The following MACROD2 variants were observed in gnomAD, a reference collection of about 807,000 sequenced individuals.
MACROD2 encodes the protein mono-ADP ribosylhydrolase 2, also known as ADP-ribose glycohydrolase MACROD2.
In MACROD2, 36 loss-of-function variants were observed where a neutral mutation model predicts 70.4. The ratio of observed to expected loss-of-function variants is 0.51; its 90% CI spans 0.39 to 0.68. The LOEUF (loss-of-function observed/expected upper bound fraction) is 0.68. Among genes scored for constraint, MACROD2 ranks in the 30% least tolerant of loss-of-function variants. The pLI, the probability that MACROD2 is intolerant of heterozygous loss-of-function variation, is 0.00. For missense variants in MACROD2, 496 were observed against 538.4 expected (o/e 0.92, Z 0.78); for synonymous variants, 172 against 178.8 (o/e 0.96, Z 0.30).
chr20:16,001,888 A>G (rs1211450348), intron 15 of MACROD2, among the ~76,000 whole-genome samples: 1 of 152,064 alleles, frequency 6.6e-6, no homozygotes, highest in Admixed American at 6.6e-5. Context: ...AATATAGTCA[A>G]TATTTTACAC....
intron 5 of MACROD2, among the ~76,000 whole-genome samples, chr20:14,760,865 C>G (rs1265905854): frequency 2.6e-5 from 4 of 152,108 alleles, no homozygotes; most frequent in African/African-American, 9.7e-5. Flanking sequence ...AAATCGAGCC[C>G]TGATTCGTCA....
chr20:15,115,339 C>T (rs1262760879), intron 5 of MACROD2, among the ~76,000 whole-genome samples: 1 of 152,202 alleles, frequency 6.6e-6, no homozygotes, highest in East Asian at 1.9e-4. Context: ...AAGTGATTCT[C>T]CTGCCTCAGA....
chr20:14,665,467 T>G (rs962561041), intron 4 of MACROD2, among the ~76,000 whole-genome samples: 4 of 152,082 alleles, frequency 2.6e-5, no homozygotes, highest in African/African-American at 9.7e-5. Flanking sequence ...AGTTATGGAA[T>G]AGGAATATAT....
At chr20:15,145,382 G>A (rs958654832) in intron 5 of MACROD2, among the ~76,000 whole-genome samples, 8 of 151,626 alleles carry the variant, frequency 5.3e-5, no homozygotes, top group African/African-American at 1.5e-4. Context: ...TTTTGAAAAA[G>A]GCATGTTTTT....
chr20:15,344,555 A>T (rs1326367221), intron 6 of MACROD2, among the ~76,000 whole-genome samples: 1 of 152,112 alleles, frequency 6.6e-6, no homozygotes, highest in Non-Finnish European at 1.5e-5. Context: ...TTTTTTTCGT[A>T]TAGAAACAAT....
chr20:14,150,823 T>G (rs903714659), intron 3 of MACROD2, among the ~76,000 whole-genome samples: 1 of 152,152 alleles, frequency 6.6e-6, no homozygotes, highest in Non-Finnish European at 1.5e-5. Context: ...TCTAGTCAAT[T>G]ATGAATTTAC....
chr20:16,028,288 C>T (rs1487678959), intron 15 of MACROD2, among the ~76,000 whole-genome samples: 1 of 152,146 alleles, frequency 6.6e-6, no homozygotes, highest in Non-Finnish European at 1.5e-5. Context: ...ATGACTTTCT[C>T]TCTGCGTTGG....
chr20:15,200,371 C>T (rs949863805), intron 5 of MACROD2, among the ~76,000 whole-genome samples: 3 of 152,188 alleles, frequency 2.0e-5, no homozygotes, highest in Non-Finnish European at 4.4e-5. Flanking sequence ...TTGACCCTGT[C>T]ACCCAATTAC....
chr20:15,455,635 G>A (rs2046714566), intron 7 of MACROD2, among the ~76,000 whole-genome samples: 1 of 152,058 alleles, frequency 6.6e-6, no homozygotes, highest in African/African-American at 2.4e-5. Context: ...GCAAATAACT[G>A]TCAGGCCTGT....
chr20:15,310,438 C>A (rs1379429967), intron 6 of MACROD2, among the ~76,000 whole-genome samples: 2 of 152,096 alleles, frequency 1.3e-5, no homozygotes, highest in East Asian at 1.9e-4. Flanking sequence ...CCAACCCAAA[C>A]AAATTCCATT....
chr20:16,039,033 A>G (rs1054936341), intron 15 of MACROD2, among the ~76,000 whole-genome samples: 5 of 151,846 alleles, frequency 3.3e-5, no homozygotes, highest in South Asian at 2.1e-4. Context: ...GTAGAACCCA[A>G]CCTTCAAGTT....
intron 3 of MACROD2, among the ~76,000 whole-genome samples, chr20:14,457,325 A>G (rs2084315498): frequency 6.6e-6 from 1 of 152,064 alleles, no homozygotes; most frequent in Non-Finnish European, 1.5e-5. Flanking sequence ...ACAGCTTTCA[A>G]AGGTTACTTT....
At chr20:14,501,205 G>A (rs1333180819) in intron 4 of MACROD2, among the ~76,000 whole-genome samples, 1 of 151,716 alleles carries the variant, frequency 6.6e-6, no homozygotes, top group East Asian at 1.9e-4. Flanking sequence ...ACTTTAAATG[G>A]GCAATAAAGA....
chr20:15,168,356 T>C (rs999957072), intron 5 of MACROD2, among the ~76,000 whole-genome samples: 1 of 152,018 alleles, frequency 6.6e-6, no homozygotes, highest in Non-Finnish European at 1.5e-5. Context: ...TAGGATCCTA[T>C]GCCAAGGATG....
intron 15 of MACROD2, among the ~76,000 whole-genome samples, chr20:16,032,627 A>G (rs2067166968): frequency 6.6e-6 from 1 of 151,080 alleles, no homozygotes; most frequent in East Asian, 2.0e-4. Context: ...GGACAAAAAG[A>G]AGGAAGAAAA....
intron 3 of MACROD2, among the ~76,000 whole-genome samples, chr20:14,486,488 G>T (rs1253113277): frequency 6.6e-6 from 1 of 150,780 alleles, no homozygotes; most frequent in Non-Finnish European, 1.5e-5. Context: ...GAGTAAACAG[G>T]AGCTATCTGG....
At chr20:15,420,488 C>A (rs551494738) in intron 6 of MACROD2, among the ~76,000 whole-genome samples, 44 of 152,066 alleles carry the variant, frequency 2.9e-4, no homozygotes, top group Non-Finnish European at 6.2e-4. Flanking sequence ...GAACCTTGGC[C>A]TTTGGGTCAG....
intron 4 of MACROD2, among the ~76,000 whole-genome samples, chr20:14,552,045 G>T (rs1029517740): frequency 5.9e-5 from 9 of 151,888 alleles, no homozygotes; most frequent in African/African-American, 1.9e-4. Flanking sequence ...ACAGATAAAA[G>T]TATATGCTTT....
At chr20:14,843,078 C>G (rs2073103608) in intron 5 of MACROD2, among the ~76,000 whole-genome samples, 1 of 151,976 alleles carries the variant, frequency 6.6e-6, no homozygotes, top group South Asian at 2.1e-4. Context: ...GGTCTGCTAG[C>G]TCCCCTTCTA....
Sources: allele counts gnomAD v4.1 joint callset (sites outside exome capture counted in the v4.1 genomes callset), GRCh38; gene constraint gnomAD v4.1.1; transcripts MANE v1.5; gene names NCBI Gene and HGNC (gene_info 2026-07-23, HGNC 2026-07-21).